Variants in RBFOX1 observed in about 807,000 individuals in gnomAD.
RBFOX1 encodes the protein RNA binding fox-1 homolog 1.
RBFOX1 carries 8 observed loss-of-function variants against 57.7 expected under a neutral mutation model. The ratio of observed to expected loss-of-function variants is 0.14; its 90% CI spans 0.08 to 0.25. The LOEUF is 0.25. Ranked by LOEUF, RBFOX1 falls within the 10% of genes least tolerant of loss-of-function variation. The pLI is 1.00. For missense variants in RBFOX1, 611 were observed against 548.5 expected, an observed-to-expected ratio of 1.11 and a Z score of -1.14; for synonymous variants, 326 against 222.4, an observed-to-expected ratio of 1.47 and a Z score of -4.15.
chr16:6,903,963 C>A (rs867395255), intron 3 of RBFOX1, among the ~76,000 whole-genome samples: 1 of 152,070 alleles, frequency 6.6e-6, no homozygotes, highest in East Asian at 1.9e-4. Context: ...TACAAATCTG[C>A]AAATCCAAGG....
chr16:7,274,710 G>A (rs2095407425), intron 4 of RBFOX1, among the ~76,000 whole-genome samples: 1 of 151,660 alleles, frequency 6.6e-6, no homozygotes, highest in Admixed American at 6.6e-5. Flanking sequence ...TTTGAGGCAA[G>A]GTCTCATCCT....
intron 1 of RBFOX1, among the ~76,000 whole-genome samples, chr16:5,358,675 T>G (rs1467950076): frequency 6.6e-6 from 1 of 152,094 alleles, no homozygotes; most frequent in Non-Finnish European, 1.5e-5. Flanking sequence ...AATACAAAAT[T>G]AGCCGGGTGT....
chr16:7,014,910 A>G (rs1036793752), intron 3 of RBFOX1, among the ~76,000 whole-genome samples: 2 of 151,944 alleles, frequency 1.3e-5, no homozygotes, highest in African/African-American at 4.8e-5. Context: ...TATTTTTACT[A>G]GAGGCACTTT....
chr16:7,408,583 C>G (rs1226156135), intron 4 of RBFOX1, among the ~76,000 whole-genome samples: 2 of 152,142 alleles, frequency 1.3e-5, no homozygotes, highest in Non-Finnish European at 2.9e-5. Flanking sequence ...TGATAACTGA[C>G]TTGATAATTT....
chr16:7,411,725 G>T (rs374108124), intron 4 of RBFOX1, among the ~76,000 whole-genome samples: 44 of 152,010 alleles, frequency 2.9e-4, no homozygotes, highest in African/African-American at 1.0e-3. Context: ...CCAACATGGA[G>T]AAACCCCGTC....
chr16:6,390,170 G>A (rs928245020), intron 2 of RBFOX1, among the ~76,000 whole-genome samples: 3 of 152,142 alleles, frequency 2.0e-5, no homozygotes, highest in Non-Finnish European at 4.4e-5. Context: ...CACTGTATGC[G>A]TGCATACATT....
intron 5 of RBFOX1, among the ~76,000 whole-genome samples, chr16:7,544,068 T>A (rs1331642209): frequency 6.6e-6 from 1 of 152,216 alleles, no homozygotes; most frequent in Non-Finnish European, 1.5e-5. Context: ...CCCAATGACT[T>A]TATAAAGTGA....
rs145398544 is a variant in RBFOX1, at chr16:5,807,669, T to C, written c.319-59634T>C. On this transcript the variant is annotated intron_variant, in intron 3 of 19. Coordinates refer to the RBFOX1 transcript ENST00000641259. ...GATCAATTCTGGATTCTGGAAGTCC[T>C]GGCTTCTGAGAGAGAGGGAGTGTGG... is the stretch of plus-strand genomic sequence containing the variant. Among the ~76,000 whole-genome samples the C allele has an allele frequency of 1.9e-3, 284 of 152,338 alleles. 1 individual carries two copies. Among genetic ancestry groups the C allele is most frequent in the African/African-American group, 5.7e-3 (238 of 41,574 alleles).
intron 3 of RBFOX1, among the ~76,000 whole-genome samples, chr16:6,932,893 C>G (rs2076787845): frequency 1.3e-5 from 2 of 152,170 alleles, no homozygotes; most frequent in African/African-American, 4.8e-5. Context: ...TAAACATTAA[C>G]TCCCATTATG....
intron 1 of RBFOX1, among the ~76,000 whole-genome samples, chr16:6,077,337 C>A (rs1393633326): frequency 6.6e-6 from 1 of 151,898 alleles, no homozygotes; most frequent in East Asian, 1.9e-4. Context: ...CAAGTCATAT[C>A]TTTAAAAGGT....
chr16:6,113,835 C>G (rs62014020), intron 1 of RBFOX1, among the ~76,000 whole-genome samples: 2,351 of 152,300 alleles, frequency 0.015, 25 homozygotes, highest in Non-Finnish European at 0.026. Context: ...CTTTTTACAT[C>G]TGTTATTCCA....
At chr16:6,231,658 A>G (rs1274529364) in intron 1 of RBFOX1, among the ~76,000 whole-genome samples, 2 of 152,318 alleles carry the variant, frequency 1.3e-5, no homozygotes, top group East Asian at 1.9e-4. Context: ...GGCCACTTAC[A>G]ATCACTGTGA....
chr16:5,811,373 C>T (rs1180305642), intron 3 of RBFOX1, among the ~76,000 whole-genome samples: 1 of 151,774 alleles, frequency 6.6e-6, no homozygotes, highest in East Asian at 1.9e-4. Flanking sequence ...GAACTCCTGA[C>T]CTCAGGTGAT....
intron 3 of RBFOX1, among the ~76,000 whole-genome samples, chr16:6,943,644 C>T (rs549557787): frequency 6.6e-6 from 1 of 150,796 alleles, no homozygotes; most frequent in Admixed American, 6.6e-5. Context: ...GGAGGCGGAG[C>T]TTGCAGTGAG....
chr16:6,591,533 CT>C (rs2097710734), intron 2 of RBFOX1, among the ~76,000 whole-genome samples: 1 of 152,170 alleles, frequency 6.6e-6, no homozygotes, highest in South Asian at 2.1e-4. Flanking sequence ...AGGGCGACCC[CT>C]GCCTGAGTTC....
At chr16:6,102,954 C>G (rs1171815690) in intron 1 of RBFOX1, among the ~76,000 whole-genome samples, 1 of 152,098 alleles carries the variant, frequency 6.6e-6, no homozygotes, top group African/African-American at 2.4e-5. Flanking sequence ...TTAGAGTGTT[C>G]AGGGCCATTC....
At chr16:5,614,725 T>C (rs1225651696) in intron 3 of RBFOX1, among the ~76,000 whole-genome samples, 1 of 152,236 alleles carries the variant, frequency 6.6e-6, no homozygotes. Flanking sequence ...GACACATTTA[T>C]TGAGTGCTTA....
At chr16:5,404,317 C>G (rs1053548209) in intron 1 of RBFOX1, among the ~76,000 whole-genome samples, 1 of 152,128 alleles carries the variant, frequency 6.6e-6, no homozygotes, top group African/African-American at 2.4e-5. Flanking sequence ...GAAGTGCCAA[C>G]CTTCTGGGAG....
chr16:7,559,520 C>T (rs2089779949), intron 5 of RBFOX1, among the ~76,000 whole-genome samples: 1 of 152,124 alleles, frequency 6.6e-6, no homozygotes, highest in East Asian at 1.9e-4. Context: ...GGTTTTGATT[C>T]AGGGAAAACA....
Sources: allele counts gnomAD v4.1 joint callset (sites outside exome capture counted in the v4.1 genomes callset), GRCh38; gene constraint gnomAD v4.1.1; transcripts MANE v1.5; gene names NCBI Gene and HGNC (gene_info 2026-07-23, HGNC 2026-07-21).